The following ATL1 variants were observed in gnomAD, a reference collection of about 807,000 sequenced individuals.
The protein encoded by ATL1 is atlastin GTPase 1.
ATL1 carries 31 observed loss-of-function variants against 75.5 expected under a neutral mutation model. The ratio of observed to expected loss-of-function variants is 0.41; its 90% CI spans 0.31 to 0.55. The LOEUF (loss-of-function observed/expected upper bound fraction) is 0.55. Ranked by LOEUF, ATL1 falls within the 20% of genes least tolerant of loss-of-function variation. The probability of loss-of-function intolerance (pLI) is 0.27; values close to 1 mark genes in which losing one functional copy is unlikely to be tolerated. For synonymous variants in ATL1, 226 were observed against 233.3 expected (o/e 0.97, Z 0.28); for missense variants, 405 against 662.6 (o/e 0.61, Z 4.27).
chr14:50,593,006 T>TAA lies in ATL1; in HGVS notation c.523-839_523-838dup, dbSNP rs538252660. 4.9e-4 allele frequency among the ~76,000 whole-genome samples: 73 copies of TAA among 150,418 alleles called. No individual in the cohort carries two copies. The East Asian group carries it at 0.012, about 25-fold the overall frequency. On this transcript the variant is annotated intron_variant, in intron 4 of 13. Transcript: ENST00000358385. ...GTGTGTACATATATCTGTATATATA[T>TAA]AATGTACAATATGATATTTTGAATA...
At chr14:50,538,617 C>G (rs2038522987) in intron 1 of ATL1, among the ~76,000 whole-genome samples, 1 of 152,198 alleles carries the variant, frequency 6.6e-6, no homozygotes, top group Admixed American at 6.5e-5. Flanking sequence ...CTCATGTAGA[C>G]TAGTGTTATG....
chr14:50,608,785 T>TC (rs2039337546), intron 6 of ATL1, among the ~76,000 whole-genome samples: 1 of 152,006 alleles, frequency 6.6e-6, no homozygotes, highest in Non-Finnish European at 1.5e-5. Flanking sequence ...AAAAATTACT[T>TC]CCCAGCTAAC....
chr14:50,537,825 T>C (rs2038513782), intron 1 of ATL1, among the ~76,000 whole-genome samples: 1 of 152,260 alleles, frequency 6.6e-6, no homozygotes, highest in African/African-American at 2.4e-5. Flanking sequence ...CCAATGCCTG[T>C]ACTCCCAGTG....
rs543159762 is a variant in ATL1, at chr14:50,596,997, G to T, written c.630+1365G>T. On this transcript the variant is annotated intron_variant, in intron 6 of 13. Coordinates refer to ENST00000358385, the MANE Select transcript of ATL1 (RefSeq NM_015915.5). ...GGCTAAGGTGGGTGGATTGCTTGAGGTCAGGAGTTCAAGACCAGCCTGACC... is the reference window on the plus strand; with the variant it reads ...GGCTAAGGTGGGTGGATTGCTTGAGTTCAGGAGTTCAAGACCAGCCTGACC... 2.0e-5 allele frequency among the ~76,000 whole-genome samples: 3 copies of T among 152,088 alleles called. No individual in the cohort carries two copies. In the South Asian group the frequency reaches 6.2e-4, roughly 32 times the overall value.
Position 50,560,283 on chromosome 14 carries a change from G to A in ATL1, c.18G>A (p.Arg6=), listed in dbSNP as rs2038819928. The change falls in exon 1 of 14, where the codon AGG becomes AGA. Residue 6 remains arginine, a synonymous_variant. Coordinates refer to ENST00000358385, the MANE Select transcript of ATL1 (RefSeq NM_015915.5). MAKNR[R]DRNSWGGFSE... is the part of the protein sequence containing the mutation. ...GGACCACCATGGCCAAGAACCGCAGGGACAGAAACAGTTGGGGTGAGTAGC... is the reference window on the plus strand; with the variant it reads ...GGACCACCATGGCCAAGAACCGCAGAGACAGAAACAGTTGGGGTGAGTAGC... The A allele has an allele frequency of 6.2e-7, 1 of 1,614,008 alleles. No homozygotes were observed. The highest frequency in any genetic ancestry group is 8.5e-7 in the Non-Finnish European group (1 of 1,179,906).
At chr14:50,625,543 G>C (rs988573306) in intron 11 of ATL1, among the ~76,000 whole-genome samples, 3 of 152,198 alleles carry the variant, frequency 2.0e-5, no homozygotes. Flanking sequence ...AAGCTTGGAA[G>C]AACAGGCTGA....
intron 8 of ATL1, among the ~76,000 whole-genome samples, chr14:50,617,043 TA>T (rs1439493432): frequency 2.0e-5 from 3 of 152,234 alleles, no homozygotes; most frequent in African/African-American, 7.2e-5. Context: ...TGTTCTTTGA[TA>T]ATAGTTTCTC....
chr14:50,595,685 TA>T, intron 6 of ATL1, 53 bp downstream of exon 6: 1 of 1,495,458 alleles, frequency 6.7e-7, no homozygotes, highest in Non-Finnish European at 9.3e-7. Flanking sequence ...CTGAAGACTG[TA>T]ACCAGGTATA....
intron 6 of ATL1, among the ~76,000 whole-genome samples, chr14:50,604,035 C>T (rs1314717775): frequency 6.6e-6 from 1 of 152,198 alleles, no homozygotes; most frequent in Non-Finnish European, 1.5e-5. Flanking sequence ...TATTTTGTGC[C>T]ATGCACTGTG....
intron 11 of ATL1, among the ~76,000 whole-genome samples, chr14:50,626,363 GGAAAAAGTT>G (rs574492012): frequency 9.3e-4 from 142 of 152,320 alleles, no homozygotes; most frequent in Non-Finnish European, 9.8e-4. Context: ...ACAAGAATGT[GGAAAAAGTT>G]GATACCAACC....
intron 1 of ATL1, among the ~76,000 whole-genome samples, chr14:50,546,292 T>A (rs570611433): frequency 3.9e-4 from 59 of 152,328 alleles, no homozygotes; most frequent in African/African-American, 1.4e-3. Context: ...ATGATATGGA[T>A]CCAGTTATCC....
chr14:50,564,834 G>C (rs2038887669), intron 1 of ATL1, among the ~76,000 whole-genome samples: 1 of 151,924 alleles, frequency 6.6e-6, no homozygotes. Flanking sequence ...CTGGTTTTGA[G>C]GAAAGATTTA....
At chr14:50,545,241 G>A (rs1190595890) in intron 1 of ATL1, among the ~76,000 whole-genome samples, 1 of 152,174 alleles carries the variant, frequency 6.6e-6, no homozygotes, top group East Asian at 1.9e-4. Flanking sequence ...GCTCAGGAGC[G>A]CCCTGTATGT....
chr14:50,560,373 A>G, intron 1 of ATL1, 74 bp downstream of exon 1: 1 of 1,566,872 alleles, frequency 6.4e-7, no homozygotes, highest in Non-Finnish European at 8.7e-7. Context: ...CTGTGGAGAC[A>G]GGGAGGGCCA....
chr14:50,597,186 G>C (rs2039226065), intron 6 of ATL1, among the ~76,000 whole-genome samples: 1 of 120,554 alleles, frequency 8.3e-6, no homozygotes, highest in East Asian at 2.3e-4. Flanking sequence ...TCTAGCCTGG[G>C]CGACAGAGCA....
chr14:50,582,902 A>G (rs1249090283), intron 1 of ATL1, among the ~76,000 whole-genome samples: 1 of 152,230 alleles, frequency 6.6e-6, no homozygotes, highest in Non-Finnish European at 1.5e-5. Flanking sequence ...GTTTATATAA[A>G]AAGTGCAAAT....
rs956545653 is a variant in ATL1, at chr14:50,591,796, AGT to A, written c.522+159_522+160del. 1.0e-5 allele frequency: 6 copies of A among 594,864 alleles called. No individual in the cohort carries two copies. In the African/African-American group the frequency reaches 1.1e-4, roughly 11 times the overall value. 36.8% of individuals were successfully genotyped at this position (594,864 alleles called of 1,614,324 possible). ...TACGAGTTCTCGTGATTTCTGTGAGAGTGGAATTGTTTTTGTTACTGTAGTTT... is the reference window on the plus strand; with the variant it reads ...TACGAGTTCTCGTGATTTCTGTGAGAGGAATTGTTTTTGTTACTGTAGTTT... On this transcript the variant is annotated intron_variant, in intron 4 of 13. Transcript: ENST00000358385.
intron 1 of ATL1, chr14:50,533,388 C>CTCTT (rs2038447573): frequency 2.0e-5 from 3 of 151,764 alleles, no homozygotes; most frequent in Non-Finnish European, 4.4e-5. Flanking sequence ...GCATCTGACA[C>CTCTT]CCAGGAAAGT....
chr14:50,628,570 C>A (rs544894329), intron 12 of ATL1, 108 bp downstream of exon 12: 2 of 1,187,492 alleles, frequency 1.7e-6, no homozygotes, highest in African/African-American at 1.5e-5. Context: ...GAATTGGGCC[C>A]CAGTCATCAA....
Sources: gnomAD v4.1 joint callset for allele counts (sites outside exome capture counted in the v4.1 genomes callset) on GRCh38, gnomAD v4.1.1 for gene constraint, MANE v1.5 for transcripts, NCBI Gene and HGNC (gene_info 2026-07-23, HGNC 2026-07-21) for gene names.